The following CNOT9 variants were observed in gnomAD, a reference collection of about 807,000 sequenced individuals.
CNOT9 encodes the protein RCD1 required for cell differentiation1 homolog.
In CNOT9, 8 loss-of-function variants were observed where a neutral mutation model predicts 37.4. That is an observed-to-expected ratio of 0.21 (90% CI 0.13 to 0.39). CNOT9 has a LOEUF of 0.39. Among genes scored for constraint, CNOT9 ranks in the 10% least tolerant of loss-of-function variants. CNOT9 has a pLI of 1.00. For missense variants in CNOT9, 154 were observed against 365.3 expected (o/e 0.42, Z 4.71); for synonymous variants, 120 against 137.6 (o/e 0.87, Z 0.90).
intron 2 of CNOT9, among the ~76,000 whole-genome samples, chr2:218,581,998 A>G (rs981854963): frequency 6.6e-6 from 1 of 151,926 alleles, no homozygotes; most frequent in African/African-American, 2.4e-5. Context: ...AGGAGGATCA[A>G]TTGAGCCCAG....
chr2:218,588,671 ATTC>A (rs1489040206), intron 5 of CNOT9, among the ~76,000 whole-genome samples: 1 of 129,600 alleles, frequency 7.7e-6, no homozygotes, highest in Non-Finnish European at 1.6e-5. Context: ...GGTTCAAGCA[ATTC>A]TTCTGCCTCA....
chr2:218,590,955 T>G (rs959802618), intron 5 of CNOT9, among the ~76,000 whole-genome samples: 10 of 152,084 alleles, frequency 6.6e-5, no homozygotes, highest in African/African-American at 2.4e-4. Flanking sequence ...CCTCCCAGAG[T>G]GCTGAGATTA....
At chr2:218,576,457 G>A (rs531308396) in intron 1 of CNOT9, among the ~76,000 whole-genome samples, 82 of 152,268 alleles carry the variant, frequency 5.4e-4, no homozygotes, top group Admixed American at 2.4e-3. Context: ...AGGGAACTAT[G>A]TGAAACTATT....
intron 5 of CNOT9, among the ~76,000 whole-genome samples, chr2:218,590,661 T>C (rs1455331763): frequency 6.6e-6 from 1 of 152,190 alleles, no homozygotes; most frequent in Non-Finnish European, 1.5e-5. Flanking sequence ...CTTTTCTAGC[T>C]TCTAGAACTG....
At chr2:218,575,171 G>A (rs1393939890) in intron 1 of CNOT9, among the ~76,000 whole-genome samples, 2 of 152,036 alleles carry the variant, frequency 1.3e-5, no homozygotes, top group African/African-American at 4.8e-5. Context: ...AGGCTCCCAC[G>A]CCAGTGTGTG....
In CNOT9 at chr2:218,577,694, A is replaced by G. The variant is rs145400251; in HGVS notation, c.25-2867A>G. On this transcript the variant is annotated intron_variant, in intron 1 of 7. Transcript: ENST00000273064. Reference sequence around the variant, plus strand: ...GTTCAGGAGGCATGGTATGCAAACCAGTGGTTACCAGGGCAAGATGGGGTA... The same window carrying G: ...GTTCAGGAGGCATGGTATGCAAACCGGTGGTTACCAGGGCAAGATGGGGTA... Among the ~76,000 whole-genome samples, 10 of 152,330 alleles carry G rather than the reference A, an allele frequency of 6.6e-5. No individual in the cohort carries two copies. The East Asian group carries it at 1.9e-3, about 29-fold the overall frequency.
intron 2 of CNOT9, among the ~76,000 whole-genome samples, chr2:218,581,360 C>A (rs915040256): frequency 6.7e-6 from 1 of 149,764 alleles, no homozygotes; most frequent in Non-Finnish European, 1.5e-5. Context: ...TTAGTAGATA[C>A]GGAGTTTCAC....
In CNOT9 at chr2:218,592,345, T is replaced by C; in HGVS notation, c.582T>C (p.Thr194=). Residue 194 remains threonine (T), a synonymous_variant, in exon 6 of 8, where the codon ACT becomes ACC. Transcript: ENST00000273064. This position sits in a 1 kb window ranked among gnomAD's most constrained non-coding sequence, Gnocchi z 4.1. ...TCCAGAAGATCTTGTTAGATGACACTGGTTTGGCTTATATATGTCAGACGT... is the reference window on the plus strand; with the variant it reads ...TCCAGAAGATCTTGTTAGATGACACCGGTTTGGCTTATATATGTCAGACGT... ...FILQKILLDD[T]GLAYICQTYE... is the part of the protein sequence containing the mutation. The C allele has an allele frequency of 1.2e-6, 2 of 1,614,170 alleles. No homozygotes were observed. The highest frequency in any genetic ancestry group is 1.7e-6 in the Non-Finnish European group (2 of 1,180,016).
chr2:218,569,331 C>G (rs1351598412), intron 1 of CNOT9, among the ~76,000 whole-genome samples: 1 of 152,200 alleles, frequency 6.6e-6, no homozygotes, highest in Non-Finnish European at 1.5e-5. Flanking sequence ...CATGGTCAAT[C>G]TGACGCGGCC....
chr2:218,579,997 T>G (rs1192811597), intron 1 of CNOT9, among the ~76,000 whole-genome samples: 1 of 144,014 alleles, frequency 6.9e-6, no homozygotes, highest in Admixed American at 6.9e-5. Context: ...TTTTTTTTTT[T>G]TTGCTCTGTC....
intron 4 of CNOT9, 145 bp downstream of exon 4, chr2:218,584,866 C>G (rs1381177606): frequency 1.1e-5 from 7 of 662,062 alleles, no homozygotes; most frequent in Non-Finnish European, 1.9e-5. Flanking sequence ...CAATAAGTAT[C>G]AGGAACATGA....
intron 5 of CNOT9, among the ~76,000 whole-genome samples, chr2:218,589,058 C>T (rs780023957): frequency 4.0e-5 from 6 of 151,696 alleles, no homozygotes; most frequent in Non-Finnish European, 8.8e-5. Context: ...TTCAAGGTTA[C>T]TTTTCCATAC....
intron 5 of CNOT9, among the ~76,000 whole-genome samples, chr2:218,590,799 T>G (rs1400960665): frequency 3.3e-5 from 1 of 30,506 alleles, no homozygotes; most frequent in African/African-American, 8.0e-5. Context: ...ACATCTCTCT[T>G]GTTGTTGTTG....
chr2:218,573,416 T>G (rs1180742943), intron 1 of CNOT9, among the ~76,000 whole-genome samples: 1 of 152,160 alleles, frequency 6.6e-6, no homozygotes, highest in Non-Finnish European at 1.5e-5. Context: ...TTCATTTTCT[T>G]GGAATACCAT....
At chr2:218,575,297 C>G (rs1307030407) in intron 1 of CNOT9, among the ~76,000 whole-genome samples, 1 of 152,000 alleles carries the variant, frequency 6.6e-6, no homozygotes, top group Admixed American at 6.6e-5. Flanking sequence ...TCTGTGAACT[C>G]CTTAAAATTA....
intron 1 of CNOT9, among the ~76,000 whole-genome samples, chr2:218,579,741 C>G (rs1480354884): frequency 1.3e-5 from 2 of 152,158 alleles, no homozygotes; most frequent in East Asian, 3.9e-4. Context: ...CCTGCCTTGG[C>G]CTCCCAAAGT....
rs1694829041 is a variant in CNOT9 at position 218,592,952 on chromosome 2, A to G, written c.731+245A>G. 1 of 507,706 alleles carries G rather than the reference A, an allele frequency of 2.0e-6. No individual in the cohort carries two copies. The highest frequency in any genetic ancestry group is 3.5e-6 in the Non-Finnish European group (1 of 285,538). The allele number at this position is 507,706 out of a possible 1,614,324, so 31.5% of individuals were successfully genotyped here. A position where few individuals can be genotyped will look rare whatever the true frequency, so the allele number is the denominator to read the frequency against. Reference sequence around the variant, plus strand: ...AATTCCAGAGAGTCTAGGCGATTCCAAAGGAAACCTTATGATGCATTACTC... The same window carrying G: ...AATTCCAGAGAGTCTAGGCGATTCCGAAGGAAACCTTATGATGCATTACTC... On this transcript the variant is annotated intron_variant, in intron 7 of 7. Coordinates refer to ENST00000273064, the MANE Select transcript of CNOT9 (RefSeq NM_005444.3). This position sits in a 1 kb window ranked among gnomAD's most constrained non-coding sequence, Gnocchi z 4.1.
chr2:218,582,574 C>A (rs912751318), intron 2 of CNOT9, among the ~76,000 whole-genome samples: 2 of 152,156 alleles, frequency 1.3e-5, no homozygotes, highest in Non-Finnish European at 2.9e-5. Context: ...CCTGTAGTCC[C>A]AGCTACTCTG....
At chr2:218,576,791 G>T (rs1048368467) in intron 1 of CNOT9, among the ~76,000 whole-genome samples, 3 of 152,046 alleles carry the variant, frequency 2.0e-5, no homozygotes, top group Non-Finnish European at 1.5e-5. Context: ...AACGTGGGAA[G>T]GTCCCATCTC....
Sources: allele counts gnomAD v4.1 joint callset (sites outside exome capture counted in the v4.1 genomes callset), GRCh38; gene constraint gnomAD v4.1.1; non-coding constraint Gnocchi (gnomAD v3.1); transcripts MANE v1.5; gene names NCBI Gene and HGNC (gene_info 2026-07-23, HGNC 2026-07-21).